Variants in PDZRN4 observed in about 807,000 individuals in gnomAD.
PDZRN4 encodes the protein PDZ domain containing ring finger 4.
In PDZRN4, 70 loss-of-function variants were observed where a neutral mutation model predicts 99.0. That is an observed-to-expected ratio of 0.71 (90% CI 0.58 to 0.86). The LOEUF is 0.86. Among genes scored for constraint, PDZRN4 ranks in the 40% least tolerant of loss-of-function variants. PDZRN4 has a pLI of 0.00. For synonymous variants in PDZRN4, 551 were observed against 501.6 expected (o/e 1.10, Z -1.32); for missense variants, 1,474 against 1,331.2 (o/e 1.11, Z -1.67).
intron 3 of PDZRN4, among the ~76,000 whole-genome samples, chr12:41,484,762 T>G (rs1474615282): frequency 6.6e-6 from 1 of 152,196 alleles, no homozygotes. Flanking sequence ...CTTATGATTC[T>G]GTCTCCTTAA....
intron 3 of PDZRN4, among the ~76,000 whole-genome samples, chr12:41,332,164 A>G (rs1029649224): frequency 6.6e-6 from 1 of 152,000 alleles, no homozygotes; most frequent in Non-Finnish European, 1.5e-5. Context: ...CTCCAGTTAC[A>G]CTCAAGTACC....
intron 3 of PDZRN4, among the ~76,000 whole-genome samples, chr12:41,506,054 CAAGT>C (rs1311688460): frequency 2.6e-5 from 4 of 151,918 alleles, no homozygotes; most frequent in Non-Finnish European, 5.9e-5. Flanking sequence ...AAATTTTAGG[CAAGT>C]AAGACCTTGA....
chr12:41,215,497 G>T (rs1355603628), intron 3 of PDZRN4, among the ~76,000 whole-genome samples: 1 of 151,928 alleles, frequency 6.6e-6, no homozygotes, highest in African/African-American at 2.4e-5. Flanking sequence ...TATGTTGAAA[G>T]TTTATAATAA....
Position 41,555,749 on chromosome 12 carries a change from C to T in PDZRN4, c.1354C>T (p.Arg452Trp), listed in dbSNP as rs776207271. Residue 452 changes from arginine to tryptophan, a missense_variant, in exon 7 of 10, where the codon CGG becomes TGG. Coordinates refer to ENST00000402685, the MANE Select transcript of PDZRN4 (RefSeq NM_001164595.2). Reference sequence around the variant, plus strand: ...AGACGGCCGGATTCGAGAAGGGGATCGGATTTTGCAAGTAGGTGGTATAGT... The same window carrying T: ...AGACGGCCGGATTCGAGAAGGGGATTGGATTTTGCAAGTAGGTGGTATAGT... ...AKDGRIREGD[R>W]ILQINGEDVQ... is the part of the protein sequence containing the mutation. The T allele has an allele frequency of 1.4e-5, 23 of 1,613,576 alleles. No individual in the cohort carries two copies. The highest frequency in any genetic ancestry group is 5.0e-5 in the Admixed American group (3 of 60,000).
chr12:41,464,168 C>T (rs575243648), intron 3 of PDZRN4, among the ~76,000 whole-genome samples: 1 of 152,288 alleles, frequency 6.6e-6, no homozygotes, highest in East Asian at 1.9e-4. Flanking sequence ...AATCATATGC[C>T]AGCCTAGTCC....
chr12:41,300,884 T>C (rs1175750555), intron 3 of PDZRN4, among the ~76,000 whole-genome samples: 1 of 152,056 alleles, frequency 6.6e-6, no homozygotes, highest in East Asian at 1.9e-4. Flanking sequence ...GAAATGACAG[T>C]GGACTCAAGA....
chr12:41,439,726 T>C (rs1052627951), intron 3 of PDZRN4, among the ~76,000 whole-genome samples: 63 of 152,292 alleles, frequency 4.1e-4, no homozygotes, highest in African/African-American at 1.4e-3. Flanking sequence ...TCCATATATT[T>C]ATTTTATTTT....
At chr12:41,411,553 A>G (rs1046389549) in intron 3 of PDZRN4, 1 of 152,230 alleles carries the variant, frequency 6.6e-6, no homozygotes. Context: ...TTGGGCACTC[A>G]TCAACAAAAG....
intron 3 of PDZRN4, among the ~76,000 whole-genome samples, chr12:41,269,042 A>G (rs1187503566): frequency 6.6e-6 from 1 of 152,176 alleles, no homozygotes; most frequent in African/African-American, 2.4e-5. Context: ...GAGAGCAAAC[A>G]AGGATATTTA....
chr12:41,352,822 A>T (rs1951900829), intron 3 of PDZRN4, among the ~76,000 whole-genome samples: 1 of 152,170 alleles, frequency 6.6e-6, no homozygotes, highest in Admixed American at 6.6e-5. Context: ...TATAGCACAT[A>T]GTCTTTATTG....
chr12:41,287,344 C>G (rs2120900082), intron 3 of PDZRN4, among the ~76,000 whole-genome samples: 1 of 152,266 alleles, frequency 6.6e-6, no homozygotes, highest in East Asian at 1.9e-4. Context: ...AAGATCCTTT[C>G]TAGCTCAAAA....
At chr12:41,452,961 G>C (rs1359712769) in intron 3 of PDZRN4, among the ~76,000 whole-genome samples, 1 of 151,946 alleles carries the variant, frequency 6.6e-6, no homozygotes, top group African/African-American at 2.4e-5. Flanking sequence ...AGGAAATGAA[G>C]GTAGTCGGAC....
intron 3 of PDZRN4, among the ~76,000 whole-genome samples, chr12:41,365,773 T>C (rs1435777439): frequency 6.6e-6 from 1 of 152,086 alleles, no homozygotes; most frequent in East Asian, 1.9e-4. Flanking sequence ...GGTCAAATTA[T>C]ACTGGTAGCA....
At chr12:41,495,318 A>G (rs980603859) in intron 3 of PDZRN4, among the ~76,000 whole-genome samples, 6 of 152,106 alleles carry the variant, frequency 3.9e-5, no homozygotes, top group African/African-American at 1.4e-4. Context: ...AGGGATGGGC[A>G]ACGTCTACTT....
At chr12:41,195,919 A>G (rs924254371) in intron 3 of PDZRN4, among the ~76,000 whole-genome samples, 1 of 152,144 alleles carries the variant, frequency 6.6e-6, no homozygotes, top group Non-Finnish European at 1.5e-5. Flanking sequence ...GAACTGATGG[A>G]ACTGAATACA....
intron 3 of PDZRN4, among the ~76,000 whole-genome samples, chr12:41,482,677 G>A (rs543784960): frequency 1.6e-4 from 25 of 152,102 alleles, no homozygotes; most frequent in Non-Finnish European, 2.4e-4. Context: ...ATTTAAGTCC[G>A]TTTTATAAGG....
At chr12:41,233,049 C>G (rs1258957574) in intron 3 of PDZRN4, among the ~76,000 whole-genome samples, 3 of 151,952 alleles carry the variant, frequency 2.0e-5, no homozygotes, top group Non-Finnish European at 2.9e-5. Context: ...GGTACCAGTA[C>G]CATGCTGTTT....
At chr12:41,326,466 A>T (rs1458293623) in intron 3 of PDZRN4, among the ~76,000 whole-genome samples, 1 of 151,972 alleles carries the variant, frequency 6.6e-6, no homozygotes, top group African/African-American at 2.4e-5. Flanking sequence ...TGATATTTTT[A>T]AAAAATCACA....
intron 3 of PDZRN4, among the ~76,000 whole-genome samples, chr12:41,263,713 A>G (rs1486643362): frequency 1.3e-5 from 2 of 152,170 alleles, no homozygotes; most frequent in Admixed American, 1.3e-4. Flanking sequence ...AGAGTCTATC[A>G]ATAAGTTAAA....
Sources: allele counts gnomAD v4.1 joint callset (sites outside exome capture counted in the v4.1 genomes callset), GRCh38; gene constraint gnomAD v4.1.1; transcripts MANE v1.5; gene names NCBI Gene and HGNC (gene_info 2026-07-23, HGNC 2026-07-21).